SLC14A2: variants seen among roughly 807,000 people sequenced by gnomAD.
SLC14A2 encodes solute carrier family 14 member 2, also known as urea transporter 2.
SLC14A2 carries 91 observed loss-of-function variants against 104.6 expected under a neutral mutation model. The observed-to-expected ratio is 0.87, with a 90% CI of 0.73 to 1.04. SLC14A2 has a LOEUF of 1.04. SLC14A2 is among the 50% of genes least tolerant of loss of function. The pLI, the probability that SLC14A2 is intolerant of heterozygous loss-of-function variation, is 0.00. For synonymous variants in SLC14A2, 476 were observed against 466.4 expected (o/e 1.02, Z -0.27); for missense variants, 1,189 against 1,156.0 (o/e 1.03, Z -0.41).
At chr18:45,552,750 T>C (rs747414206) in intron 2 of SLC14A2, among the ~76,000 whole-genome samples, 3 of 151,904 alleles carry the variant, frequency 2.0e-5, no homozygotes, top group Non-Finnish European at 4.4e-5. Flanking sequence ...GGGCAGAGGG[T>C]AGCAGCCAGT....
intron 2 of SLC14A2, among the ~76,000 whole-genome samples, chr18:45,583,326 T>C (rs543939269): frequency 1.3e-5 from 2 of 152,238 alleles, no homozygotes; most frequent in South Asian, 4.2e-4. Flanking sequence ...AAACAGCCCT[T>C]CCTCCCTGAA....
In SLC14A2 at chr18:45,386,464, G is replaced by A. The variant is rs150551544; in HGVS notation, c.-124-96769G>A. Among the ~76,000 whole-genome samples the A allele has an allele frequency of 8.3e-4, 126 of 152,188 alleles. 1 individual carries two copies. In the East Asian group the frequency reaches 0.021, roughly 26 times the overall value. On this transcript the variant is annotated intron_variant, in intron 1 of 20. Coordinates refer to the SLC14A2 transcript ENST00000586448. ...AGCTTGTAGTCTGAAGGCACACGGC[G>A]CCCCCTAATGGACCCAAGCATTCCC...
intron 1 of SLC14A2, among the ~76,000 whole-genome samples, chr18:45,307,431 A>C (rs2085034507): frequency 1.8e-5 from 2 of 109,376 alleles, no homozygotes; most frequent in African/African-American, 7.4e-5. Flanking sequence ...AAAAAAAAAA[A>C]AAAACCAAAA....
chr18:45,654,013 C>A (rs1055149472), intron 10 of SLC14A2, among the ~76,000 whole-genome samples: 1 of 152,142 alleles, frequency 6.6e-6, no homozygotes, highest in Non-Finnish European at 1.5e-5. Context: ...GGGAAGCTAC[C>A]AGACAGTCCC....
intron 10 of SLC14A2, among the ~76,000 whole-genome samples, chr18:45,649,823 T>G (rs1200790355): frequency 2.0e-5 from 3 of 152,262 alleles, no homozygotes; most frequent in Non-Finnish European, 4.4e-5. Flanking sequence ...GGTGTCAATC[T>G]CATTCTTTTT....
rs1287889090 is a variant in SLC14A2, at chr18:45,302,826, C to CA, written c.-125+89640dup. 6.6e-5 allele frequency among the ~76,000 whole-genome samples: 10 copies of CA among 152,050 alleles called. No individual in the cohort carries two copies. The East Asian group carries it at 1.9e-3, about 29-fold the overall frequency. On this transcript the variant is annotated intron_variant, in intron 1 of 20. Coordinates refer to the SLC14A2 transcript ENST00000586448. ...AGGACATGTTTACATAAAATGTTAACAAAAATATAAAGTAGTAAGTGATGA... is the reference window on the plus strand; with the variant it reads ...AGGACATGTTTACATAAAATGTTAACAAAAAATATAAAGTAGTAAGTGATGA...
intron 1 of SLC14A2, among the ~76,000 whole-genome samples, chr18:45,223,397 G>C (rs188388567): frequency 6.6e-6 from 1 of 152,266 alleles, no homozygotes; most frequent in Non-Finnish European, 1.5e-5. Flanking sequence ...GTGTGTCTCT[G>C]TGTGTGTGGT....
the SLC14A2 span, among the ~76,000 whole-genome samples, chr18:45,170,443 T>G: frequency 0.58 from 88,738 of 151,910 alleles, 26,257 homozygotes; most frequent in Non-Finnish European, 0.64. Flanking sequence ...TGAGGAGAAA[T>G]GTAGGTTGGT....
chr18:45,413,635 T>TA (rs1042706504), intron 1 of SLC14A2, among the ~76,000 whole-genome samples: 1 of 152,168 alleles, frequency 6.6e-6, no homozygotes, highest in African/African-American at 2.4e-5. Context: ...TCCACTGTCT[T>TA]ACGAAACATG....
At chr18:45,499,925 G>T (rs992135728) in intron 2 of SLC14A2, among the ~76,000 whole-genome samples, 6 of 152,186 alleles carry the variant, frequency 3.9e-5, no homozygotes, top group Admixed American at 2.0e-4. Context: ...CTCTCCACGT[G>T]CATTAATTGA....
chr18:45,475,641 GGATATATATAT>G (rs2087352142), intron 1 of SLC14A2, among the ~76,000 whole-genome samples: 7 of 11,650 alleles, frequency 6.0e-4, no homozygotes, highest in South Asian at 4.0e-3. Context: ...TATATATTTA[GGATATATATAT>G]ATATATATAT....
intron 1 of SLC14A2, among the ~76,000 whole-genome samples, chr18:45,228,443 C>T (rs969989320): frequency 5.3e-5 from 8 of 152,056 alleles, no homozygotes; most frequent in Non-Finnish European, 8.8e-5. Flanking sequence ...CCATGGGAGG[C>T]CTGCTTTGTC....
intron 2 of SLC14A2, among the ~76,000 whole-genome samples, chr18:45,549,346 G>A (rs971161547): frequency 3.9e-5 from 6 of 152,224 alleles, no homozygotes; most frequent in African/African-American, 1.4e-4. Flanking sequence ...TACCAGCATG[G>A]CAGGGCCAGA....
chr18:45,341,269 C>T (rs574655618), intron 1 of SLC14A2, among the ~76,000 whole-genome samples: 1 of 152,056 alleles, frequency 6.6e-6, no homozygotes, highest in Admixed American at 6.5e-5. Context: ...CCTCAAAGAC[C>T]TTATAATCGA....
chr18:45,416,817 C>A (rs188985937), intron 1 of SLC14A2, among the ~76,000 whole-genome samples: 1 of 152,252 alleles, frequency 6.6e-6, no homozygotes, highest in African/African-American at 2.4e-5. Context: ...GACATTTGAT[C>A]ATTTGAATAT....
chr18:45,184,301 A>G, the SLC14A2 span, among the ~76,000 whole-genome samples: 1 of 152,202 alleles, frequency 6.6e-6, no homozygotes, highest in Non-Finnish European at 1.5e-5. Context: ...GTAGTAAGTT[A>G]ACTAAAATTA....
At chr18:45,654,876 C>G (rs371687122) in intron 10 of SLC14A2, among the ~76,000 whole-genome samples, 1 of 152,194 alleles carries the variant, frequency 6.6e-6, no homozygotes, top group South Asian at 2.1e-4. Context: ...GACTCTATGA[C>G]CCACAGCTGT....
At chr18:45,319,943 G>A (rs2085168608) in intron 1 of SLC14A2, among the ~76,000 whole-genome samples, 1 of 152,188 alleles carries the variant, frequency 6.6e-6, no homozygotes, top group African/African-American at 2.4e-5. Context: ...TAAATATAGT[G>A]TATCCAGTGG....
At chr18:45,193,065 C>G in the SLC14A2 span, among the ~76,000 whole-genome samples, 197 of 152,170 alleles carry the variant, frequency 1.3e-3, no homozygotes, top group Admixed American at 2.3e-3. Context: ...CTGTTTATAT[C>G]TTTTGCTTAT....
Sources: gnomAD v4.1 joint callset for allele counts (sites outside exome capture counted in the v4.1 genomes callset) on GRCh38, gnomAD v4.1.1 for gene constraint, MANE v1.5 for transcripts, NCBI Gene and HGNC (gene_info 2026-07-23, HGNC 2026-07-21) for gene names.